SMIM10L3: variants seen among roughly 807,000 people sequenced by gnomAD.
SMIM10L3 encodes small integral membrane protein 10 like 3.
At chr7:6,331,139 C>G in the SMIM10L3 span, 1 of 1,612,360 alleles carries the variant, frequency 6.2e-7, no homozygotes, top group South Asian at 1.1e-5. Context: ...CCGAGGGGCC[C>G]TCTTCTGTCC....
chr7:6,348,097 A>G, the SMIM10L3 span, among the ~76,000 whole-genome samples: 1 of 150,214 alleles, frequency 6.7e-6, no homozygotes, highest in Non-Finnish European at 1.5e-5. Context: ...TTTAGTAGAG[A>G]CGGGGTTTCT....
At chr7:6,348,375 A>AC in the SMIM10L3 span, among the ~76,000 whole-genome samples, 1 of 151,904 alleles carries the variant, frequency 6.6e-6, no homozygotes, top group Non-Finnish European at 1.5e-5. Context: ...GCTTAACCTG[A>AC]CCCCCAGTGC....
the SMIM10L3 span, among the ~76,000 whole-genome samples, chr7:6,345,103 G>T: frequency 4.3e-4 from 64 of 150,326 alleles, 1 homozygote; most frequent in African/African-American, 1.4e-3. Context: ...TTTATGGGAG[G>T]TTATGTGTTT....
At chr7:6,348,872 G>C in the SMIM10L3 span, 2 of 386,590 alleles carry the variant, frequency 5.2e-6, no homozygotes, top group Non-Finnish European at 4.6e-6. Flanking sequence ...GGCTAGACCG[G>C]CGGGCGGGCG....
At chr7:6,333,624 G>A in the SMIM10L3 span, among the ~76,000 whole-genome samples, 1 of 151,502 alleles carries the variant, frequency 6.6e-6, no homozygotes, top group South Asian at 2.1e-4. Flanking sequence ...TCAGCCTCCT[G>A]TGTCACTGGG....
At chr7:6,332,061 G>A in the SMIM10L3 span, among the ~76,000 whole-genome samples, 1 of 149,824 alleles carries the variant, frequency 6.7e-6, no homozygotes, top group East Asian at 2.0e-4. Context: ...GCTGTGAGCC[G>A]AGATCATGCC....
chr7:6,346,618 CG>C, the SMIM10L3 span, among the ~76,000 whole-genome samples: 1 of 152,090 alleles, frequency 6.6e-6, no homozygotes, highest in South Asian at 2.1e-4. Context: ...TGAGCTTAAG[CG>C]ACGCAGACAC....
chr7:6,333,604 T>C, the SMIM10L3 span, among the ~76,000 whole-genome samples: 1 of 151,052 alleles, frequency 6.6e-6, no homozygotes, highest in Admixed American at 6.7e-5. Context: ...GCTCAAGCAA[T>C]CCTCCTAATT....
the SMIM10L3 span, chr7:6,348,704 G>A: frequency 2.3e-6 from 1 of 431,830 alleles, no homozygotes; most frequent in Non-Finnish European, 4.1e-6. Flanking sequence ...CCATAGGAGC[G>A]GGCGGCGGCC....
At chr7:6,343,777 C>A in the SMIM10L3 span, among the ~76,000 whole-genome samples, 1 of 152,072 alleles carries the variant, frequency 6.6e-6, no homozygotes, top group South Asian at 2.1e-4. Flanking sequence ...GCCTCACTGC[C>A]CTACAAACTA....
At chr7:6,348,835 G>A in the SMIM10L3 span, 6 of 394,058 alleles carry the variant, frequency 1.5e-5, no homozygotes, top group Non-Finnish European at 2.7e-5. Flanking sequence ...CCCTCGCCTG[G>A]CGTGCTCAGG....
chr7:6,340,249 C>G, the SMIM10L3 span, among the ~76,000 whole-genome samples: 1 of 152,158 alleles, frequency 6.6e-6, no homozygotes, highest in Non-Finnish European at 1.5e-5. Context: ...GACTACTCTT[C>G]TCTGACTAGC....
the SMIM10L3 span, chr7:6,341,878 A>C: frequency 6.7e-6 from 1 of 150,284 alleles, no homozygotes; most frequent in African/African-American, 2.5e-5. Context: ...GGCACCTGTA[A>C]TCCCAGCTGC....
At chr7:6,336,080 G>A in the SMIM10L3 span, among the ~76,000 whole-genome samples, 1 of 151,630 alleles carries the variant, frequency 6.6e-6, no homozygotes, top group Non-Finnish European at 1.5e-5. Flanking sequence ...GGCTGAGGCA[G>A]GACAATCGTT....
the SMIM10L3 span, among the ~76,000 whole-genome samples, chr7:6,344,559 T>C: frequency 5.1e-4 from 78 of 151,814 alleles, no homozygotes; most frequent in African/African-American, 1.8e-3. Flanking sequence ...GCTGGGACTA[T>C]AGGCATGCAC....
At chr7:6,330,292 A>G in the SMIM10L3 span, 1 of 1,316,348 alleles carries the variant, frequency 7.6e-7, no homozygotes, top group East Asian at 2.3e-5. Flanking sequence ...AGGGCTGCAC[A>G]GTTTGCATCC....
the SMIM10L3 span, among the ~76,000 whole-genome samples, chr7:6,335,440 C>G: frequency 6.6e-6 from 1 of 151,900 alleles, no homozygotes; most frequent in Non-Finnish European, 1.5e-5. Context: ...TGTTGCCAGG[C>G]TGGTCTTGAT....
At chr7:6,330,065 G>A in the SMIM10L3 span, 3 of 329,044 alleles carry the variant, frequency 9.1e-6, no homozygotes, top group African/African-American at 6.6e-5. Context: ...CTTTAGAATG[G>A]ATGTTGAAGA....
the SMIM10L3 span, chr7:6,330,291 C>G: frequency 1.5e-6 from 2 of 1,290,804 alleles, no homozygotes; most frequent in Admixed American, 2.2e-5. Flanking sequence ...AAGGGCTGCA[C>G]AGTTTGCATC....
Sources: gnomAD v4.1 joint callset for allele counts (sites outside exome capture counted in the v4.1 genomes callset) on GRCh38, gnomAD v4.1.1 for gene constraint, MANE v1.5 for transcripts, NCBI Gene and HGNC (gene_info 2026-07-23, HGNC 2026-07-21) for gene names.